The following AKAP13 variants were observed in gnomAD, a reference collection of about 807,000 sequenced individuals.
The protein encoded by AKAP13 is A-kinase anchoring protein 13.
Under a neutral mutation model 264.5 loss-of-function variants are expected in AKAP13, and 80 were observed. The observed-to-expected ratio is 0.30, with a 90% CI of 0.25 to 0.36. The LOEUF (loss-of-function observed/expected upper bound fraction) is 0.36. AKAP13 is among the 10% of genes least tolerant of loss of function. The pLI, the probability that AKAP13 is intolerant of heterozygous loss-of-function variation, is 1.00. For missense variants in AKAP13, 3,712 were observed against 3,435.2 expected (o/e 1.08, Z -2.01); for synonymous variants, 1,380 against 1,250.2 (o/e 1.10, Z -2.19).
intron 1 of AKAP13, among the ~76,000 whole-genome samples, chr15:85,387,304 C>G (rs990528394): frequency 6.6e-6 from 1 of 152,086 alleles, no homozygotes. Context: ...CCACTTTACT[C>G]CAGCCTGGGT....
chr15:85,501,197 A>G (rs1256605513), intron 2 of AKAP13, among the ~76,000 whole-genome samples: 1 of 152,118 alleles, frequency 6.6e-6, no homozygotes, highest in Non-Finnish European at 1.5e-5. Context: ...CCTGTCTTGT[A>G]TGGTTTAGGG....
At chr15:85,530,313 G>T (rs969147118) in intron 3 of AKAP13, among the ~76,000 whole-genome samples, 9 of 152,170 alleles carry the variant, frequency 5.9e-5, no homozygotes, top group Non-Finnish European at 1.0e-4. Flanking sequence ...ACAGTTTTGG[G>T]TAAGGTAGCA....
intron 1 of AKAP13, among the ~76,000 whole-genome samples, chr15:85,387,754 T>A (rs536589493): frequency 6.6e-5 from 10 of 152,358 alleles, no homozygotes; most frequent in Middle Eastern, 6.8e-3. Context: ...TTTTGTAGTT[T>A]TTAGCAATTG....
At chr15:85,695,034 C>G (rs1389255427) in intron 17 of AKAP13, among the ~76,000 whole-genome samples, 1 of 151,790 alleles carries the variant, frequency 6.6e-6, no homozygotes, top group Non-Finnish European at 1.5e-5. Flanking sequence ...ATCAAGTGAT[C>G]TTCTGGCTCA....
At position 85,586,447 on chromosome 15, in the gene AKAP13, A is replaced by G. The variant is rs999895135; in HGVS notation, c.4161+624A>G. 3.9e-5 allele frequency among the ~76,000 whole-genome samples: 6 copies of G among 151,990 alleles called. No homozygotes were observed. In the South Asian group the frequency reaches 1.2e-3, roughly 32 times the overall value. On this transcript the variant is annotated intron_variant, in intron 8 of 36. Transcript: ENST00000394518. ...TTTTCGAACTGGCCTCAAGTGATCC[A>G]CCTGCCTCAGCCTCCCAAAGTGCTG...
At chr15:85,389,359 A>G (rs943206255) in intron 1 of AKAP13, among the ~76,000 whole-genome samples, 1 of 152,208 alleles carries the variant, frequency 6.6e-6, no homozygotes, top group African/African-American at 2.4e-5. Flanking sequence ...AGGTACCTCC[A>G]GCCAGAAAGC....
At position 85,695,297 on chromosome 15, in the gene AKAP13, G is replaced by A. The variant is rs187002036; in HGVS notation, c.5464+1846G>A. Among the ~76,000 whole-genome samples the A allele has an allele frequency of 4.5e-4, 69 of 152,234 alleles. 1 individual carries two copies. The East Asian group carries it at 0.013, about 29-fold the overall frequency. ...CACGTGCCTGTAACCTCAACTACTC[G>A]GGAGGCTGAGGCAGGAGAATTGCTT... is the stretch of plus-strand genomic sequence containing the variant. On this transcript the variant is annotated intron_variant, in intron 17 of 36. Transcript: ENST00000394518.
chr15:85,526,701 C>T (rs1229162762), intron 3 of AKAP13, among the ~76,000 whole-genome samples: 1 of 152,162 alleles, frequency 6.6e-6, no homozygotes, highest in African/African-American at 2.4e-5. Flanking sequence ...TTCTGACACC[C>T]CCCATCCCCC....
At chr15:85,592,107 A>T (rs1187009981) in intron 8 of AKAP13, among the ~76,000 whole-genome samples, 1 of 122,814 alleles carries the variant, frequency 8.1e-6, no homozygotes, top group East Asian at 2.3e-4. Context: ...CTGAATTTCC[A>T]TTCTTAGTTA....
chr15:85,674,486 T>C (rs2084106776), intron 14 of AKAP13, among the ~76,000 whole-genome samples: 1 of 152,226 alleles, frequency 6.6e-6, no homozygotes, highest in African/African-American at 2.4e-5. Context: ...TCAGAAGGAA[T>C]ACTCTGTGTG....
intron 5 of AKAP13, among the ~76,000 whole-genome samples, chr15:85,563,915 A>T (rs1178762836): frequency 6.6e-6 from 1 of 152,228 alleles, no homozygotes; most frequent in East Asian, 1.9e-4. Flanking sequence ...TATCTAGCTC[A>T]AGTTCTCACT....
At chr15:85,538,838 AT>A (rs148443065) in intron 4 of AKAP13, among the ~76,000 whole-genome samples, 220 of 123,056 alleles carry the variant, frequency 1.8e-3, no homozygotes, top group Middle Eastern at 5.2e-3. Flanking sequence ...GTGTTTGTGT[AT>A]TTTTTTTTTT....
intron 8 of AKAP13, among the ~76,000 whole-genome samples, chr15:85,608,396 A>G (rs2080448371): frequency 6.6e-6 from 1 of 152,224 alleles, no homozygotes; most frequent in African/African-American, 2.4e-5. Context: ...TTAGTTATTC[A>G]TCTCACCTTG....
intron 8 of AKAP13, among the ~76,000 whole-genome samples, chr15:85,602,912 T>TA (rs1487513366): frequency 6.6e-6 from 1 of 152,238 alleles, no homozygotes; most frequent in Non-Finnish European, 1.5e-5. Flanking sequence ...CATTCTACAA[T>TA]ATCAGAAACT....
At chr15:85,462,032 C>G (rs1596256649) in intron 1 of AKAP13, among the ~76,000 whole-genome samples, 4 of 152,142 alleles carry the variant, frequency 2.6e-5, no homozygotes, top group South Asian at 2.1e-4. Context: ...AACTATAAAC[C>G]TGGATAAAGT....
intron 8 of AKAP13, among the ~76,000 whole-genome samples, chr15:85,592,681 G>GT (rs1555448495): frequency 6.6e-6 from 1 of 152,080 alleles, no homozygotes; most frequent in Non-Finnish European, 1.5e-5. Context: ...TTAATTCTCA[G>GT]TTTTTTTCAT....
Position 85,693,255 on chromosome 15 carries a change from ATTATT to A in AKAP13, c.5290-19_5290-15del, listed in dbSNP as rs1567198644. The A allele has an allele frequency of 6.3e-7, 1 of 1,583,214 alleles. No individual in the cohort carries two copies. Among genetic ancestry groups the A allele is most frequent in the South Asian group, 1.2e-5 (1 of 85,078 alleles). ...CCCTCCAGTGTTCAATTAACTGTGG[ATTATT>A]TTCTTTTCTTCGGCAGGAAAAGGAA... On this transcript the variant is annotated splice_polypyrimidine_tract_variant and intron_variant, in intron 16 of 36. Transcript: ENST00000394518.
intron 16 of AKAP13, among the ~76,000 whole-genome samples, chr15:85,685,673 T>G (rs1237404992): frequency 6.6e-6 from 1 of 152,128 alleles, no homozygotes; most frequent in Non-Finnish European, 1.5e-5. Flanking sequence ...TTAAATTTGT[T>G]TGTAAAGATG....
chr15:85,549,251 A>T (rs949599274), intron 5 of AKAP13, among the ~76,000 whole-genome samples: 1 of 152,202 alleles, frequency 6.6e-6, no homozygotes, highest in African/African-American at 2.4e-5. Flanking sequence ...TGTGATGTTG[A>T]TGCCTGTAGA....
Sources: gnomAD v4.1 joint callset for allele counts (sites outside exome capture counted in the v4.1 genomes callset) on GRCh38, gnomAD v4.1.1 for gene constraint, MANE v1.5 for transcripts, NCBI Gene and HGNC (gene_info 2026-07-23, HGNC 2026-07-21) for gene names.